MRPS27: variants seen among roughly 807,000 people sequenced by gnomAD.
The protein encoded by MRPS27 is small ribosomal subunit protein mS27.
MRPS27 carries 43 observed loss-of-function variants against 48.9 expected under a neutral mutation model. The ratio of observed to expected loss-of-function variants is 0.88; its 90% CI spans 0.69 to 1.13. The LOEUF (loss-of-function observed/expected upper bound fraction) is 1.13, where lower values mean the gene tolerates loss of function less well. Ranked by LOEUF, MRPS27 falls within the 50% of genes most tolerant of loss-of-function variation. MRPS27 has a pLI of 0.00. For missense variants in MRPS27, 467 were observed against 476.3 expected (o/e 0.98, Z 0.18); for synonymous variants, 188 against 171.9 (o/e 1.09, Z -0.73).
intron 4 of MRPS27, among the ~76,000 whole-genome samples, chr5:72,262,314 G>GTGC (rs921550519): frequency 6.6e-5 from 10 of 151,994 alleles, no homozygotes; most frequent in South Asian, 2.1e-4. Flanking sequence ...TCAACGAAAG[G>GTGC]TGCTGCTGCT....
intron 2 of MRPS27, among the ~76,000 whole-genome samples, chr5:72,312,403 C>T (rs1424347698): frequency 3.3e-5 from 5 of 152,102 alleles, no homozygotes; most frequent in Non-Finnish European, 7.4e-5. Context: ...ATTATGATAG[C>T]GCCACTCCTG....
chr5:72,284,068 A>G (rs369885912), intron 4 of MRPS27, among the ~76,000 whole-genome samples: 180 of 152,226 alleles, frequency 1.2e-3, no homozygotes, highest in African/African-American at 4.1e-3. Flanking sequence ...TTTTATTATG[A>G]TATATACTTC....
At position 72,228,351 on chromosome 5, in the gene MRPS27, G is replaced by A; in HGVS notation, c.609C>T (p.Asn203=). 6.2e-7 allele frequency: 1 copy of A among 1,612,804 alleles called. No individual in the cohort carries two copies. The highest frequency in any genetic ancestry group is 8.5e-7 in the Non-Finnish European group (1 of 1,179,238). Residue 203 remains asparagine (N), a synonymous_variant, in exon 8 of 11, where the codon AAC becomes AAT. Transcript: ENST00000261413. ...KTDFSWEEER[N]FGASLLLPGL... is the part of the protein sequence containing the mutation. ...CTGGAAGCAAAAGGGATGCACCAAA[G>A]TTCCTCTCCTCTTCCCACTGCAACA...
chr5:72,245,252 G>A (rs1400258470), intron 4 of MRPS27, among the ~76,000 whole-genome samples: 1 of 152,174 alleles, frequency 6.6e-6, no homozygotes. Flanking sequence ...AGGCTACAGA[G>A]GGCCTTTACC....
intron 4 of MRPS27, among the ~76,000 whole-genome samples, chr5:72,252,082 T>C (rs1029590802): frequency 2.0e-5 from 3 of 152,214 alleles, no homozygotes; most frequent in African/African-American, 7.2e-5. Flanking sequence ...TTTTCTCATG[T>C]TGAAAAAAAA....
chr5:72,311,946 A>T (rs1471066042), intron 2 of MRPS27, among the ~76,000 whole-genome samples: 1 of 152,188 alleles, frequency 6.6e-6, no homozygotes. Flanking sequence ...CAGCCTGGCC[A>T]ATAGGCAAAA....
intron 2 of MRPS27, among the ~76,000 whole-genome samples, chr5:72,308,160 TGCCCTCACGCTAGG>T (rs1038983500): frequency 2.0e-5 from 3 of 152,114 alleles, no homozygotes; most frequent in African/African-American, 7.2e-5. Flanking sequence ...GCTGGGAAAC[TGCCCTCACGCTAGG>T]GCCCTCCCCG....
chr5:72,250,716 A>T (rs780941044), intron 4 of MRPS27, among the ~76,000 whole-genome samples: 12 of 152,320 alleles, frequency 7.9e-5, no homozygotes, highest in Non-Finnish European at 1.3e-4. Context: ...CCGGCTTATA[A>T]TTCTTTTTGG....
At chr5:72,279,258 C>T (rs1340935403) in intron 4 of MRPS27, among the ~76,000 whole-genome samples, 1 of 152,196 alleles carries the variant, frequency 6.6e-6, no homozygotes, top group East Asian at 1.9e-4. Context: ...AATATGTTAA[C>T]TGCCAATATG....
intron 4 of MRPS27, among the ~76,000 whole-genome samples, chr5:72,269,894 A>G (rs1297779962): frequency 6.6e-6 from 1 of 152,214 alleles, no homozygotes; most frequent in African/African-American, 2.4e-5. Flanking sequence ...ATTCAATTAC[A>G]TAAAAAATAA....
intron 4 of MRPS27, among the ~76,000 whole-genome samples, chr5:72,258,943 A>G (rs1029682156): frequency 1.2e-4 from 18 of 152,172 alleles, no homozygotes; most frequent in Non-Finnish European, 2.2e-4. Context: ...GGCCTCCTGG[A>G]CATCTCCATT....
chr5:72,237,162 T>TGTG (rs913066291), intron 5 of MRPS27, among the ~76,000 whole-genome samples: 2 of 152,106 alleles, frequency 1.3e-5, no homozygotes, highest in Non-Finnish European at 2.9e-5. Context: ...CAAATATTCT[T>TGTG]GTGTGGCACC....
At chr5:72,241,224 C>A (rs760745413) in intron 4 of MRPS27, among the ~76,000 whole-genome samples, 13 of 152,170 alleles carry the variant, frequency 8.5e-5, no homozygotes, top group Non-Finnish European at 1.9e-4. Context: ...AACTCCTGGC[C>A]TCAAGTGATC....
intron 1 of MRPS27, among the ~76,000 whole-genome samples, chr5:72,315,327 T>C (rs914305673): frequency 6.6e-6 from 1 of 151,512 alleles, no homozygotes; most frequent in Non-Finnish European, 1.5e-5. Context: ...TACACTGAGG[T>C]GGGTGGATCA....
chr5:72,233,391 T>C (rs1250074870), intron 6 of MRPS27, among the ~76,000 whole-genome samples: 1 of 152,170 alleles, frequency 6.6e-6, no homozygotes, highest in Non-Finnish European at 1.5e-5. Context: ...AGTTACTTGG[T>C]GGTAAAGCAG....
intron 4 of MRPS27, among the ~76,000 whole-genome samples, chr5:72,242,428 GAA>G (rs750987632): frequency 2.5e-5 from 3 of 120,768 alleles, no homozygotes; most frequent in Non-Finnish European, 3.4e-5. Flanking sequence ...GATCAAGAGT[GAA>G]AAAAAAAAAA....
intron 4 of MRPS27, among the ~76,000 whole-genome samples, chr5:72,290,599 C>T (rs1749790697): frequency 6.6e-6 from 1 of 152,160 alleles, no homozygotes; most frequent in African/African-American, 2.4e-5. Flanking sequence ...GTTTTAGTCT[C>T]TGCATCAGTA....
intron 4 of MRPS27, among the ~76,000 whole-genome samples, chr5:72,288,210 CT>C (rs34161754): frequency 0.014 from 1,961 of 141,180 alleles, 26 homozygotes; most frequent in African/African-American, 0.04. Flanking sequence ...GGCAAGAATT[CT>C]TTTTTTTTTT....
chr5:72,306,278 GA>G (rs1458262693), intron 2 of MRPS27, among the ~76,000 whole-genome samples: 2 of 152,182 alleles, frequency 1.3e-5, no homozygotes, highest in Non-Finnish European at 2.9e-5. Context: ...AGCTTCAAAT[GA>G]AATAACAAAT....
Sources: gnomAD v4.1 joint callset for allele counts (sites outside exome capture counted in the v4.1 genomes callset) on GRCh38, gnomAD v4.1.1 for gene constraint, MANE v1.5 for transcripts, NCBI Gene and HGNC (gene_info 2026-07-23, HGNC 2026-07-21) for gene names.